RAD54L2: variants seen among roughly 807,000 people sequenced by gnomAD.
RAD54L2 encodes RAD54 like 2.
In RAD54L2, 27 loss-of-function variants were observed where a neutral mutation model predicts 138.4. The observed-to-expected ratio is 0.20, with a 90% confidence interval of 0.14 to 0.27. The LOEUF (loss-of-function observed/expected upper bound fraction) is 0.27, where lower values mean the gene tolerates loss of function less well. Ranked by LOEUF, RAD54L2 falls within the 10% of genes least tolerant of loss-of-function variation. The pLI, the probability that RAD54L2 is intolerant of heterozygous loss-of-function variation, is 1.00. For synonymous variants in RAD54L2, 644 were observed against 723.2 expected (o/e 0.89, Z 1.76); for missense variants, 1,396 against 1,890.2 (o/e 0.74, Z 4.85).
intron 2 of RAD54L2, among the ~76,000 whole-genome samples, chr3:51,551,509 C>T (rs1698837002): frequency 6.6e-6 from 1 of 151,604 alleles, no homozygotes; most frequent in Non-Finnish European, 1.5e-5. Context: ...GATCTCGGCT[C>T]ACTGCAACCT....
chr3:51,643,051 TTTGAGAC>T, intron 15 of RAD54L2, among the ~76,000 whole-genome samples: 1 of 150,936 alleles, frequency 6.6e-6, no homozygotes, highest in African/African-American at 2.4e-5. Flanking sequence ...TTTTTTTTTT[TTTGAGAC>T]GAAGTCTTAC....
intron 19 of RAD54L2, among the ~76,000 whole-genome samples, chr3:51,655,217 T>C (rs1244695002): frequency 6.6e-6 from 1 of 152,166 alleles, no homozygotes; most frequent in Non-Finnish European, 1.5e-5. Context: ...GTTTTTTTTT[T>C]TCCCCCTCCA....
At chr3:51,576,312 T>C (rs569716059) in intron 2 of RAD54L2, among the ~76,000 whole-genome samples, 1 of 152,320 alleles carries the variant, frequency 6.6e-6, no homozygotes, top group African/African-American at 2.4e-5. Context: ...AATTCTCTTT[T>C]TTTGTTGTGT....
intron 3 of RAD54L2, among the ~76,000 whole-genome samples, chr3:51,599,037 T>C (rs914290874): frequency 6.6e-6 from 1 of 152,200 alleles, no homozygotes; most frequent in Admixed American, 6.5e-5. Context: ...GGGGCAGTCT[T>C]GTGACTGAGC....
intron 3 of RAD54L2, among the ~76,000 whole-genome samples, chr3:51,597,097 G>A (rs901113864): frequency 2.0e-5 from 3 of 150,560 alleles, no homozygotes; most frequent in Admixed American, 6.7e-5. Context: ...CCCAGGAGGC[G>A]GAGGTTACAG....
chr3:51,562,155 C>T (rs1422636841), intron 2 of RAD54L2, among the ~76,000 whole-genome samples: 1 of 152,104 alleles, frequency 6.6e-6, no homozygotes, highest in African/African-American at 2.4e-5. Context: ...CGTGCCTCAG[C>T]CTCCCAAGTA....
Position 51,639,460 on chromosome 3 carries a change from G to A in RAD54L2, c.1902G>A (p.Lys634=). The A allele has an allele frequency of 6.2e-7, 1 of 1,613,990 alleles. No homozygotes were observed. The highest frequency in any genetic ancestry group is 8.5e-7 in the Non-Finnish European group (1 of 1,179,898). Residue 634 remains lysine, a synonymous_variant, in exon 13 of 23, where the codon AAG becomes AAA. Transcript: ENST00000684192. ...HPDVLYEALQ[K]ESLANEQDLD... is the part of the protein sequence containing the mutation. ...ATGTGCTGTATGAAGCCCTTCAGAAGGAGAGCTTGGCCAATGAGCAGGACC... is the reference window on the plus strand; with the variant it reads ...ATGTGCTGTATGAAGCCCTTCAGAAAGAGAGCTTGGCCAATGAGCAGGACC...
Position 51,637,152 on chromosome 3 carries a change from C to T in RAD54L2, c.1340-9C>T. On this transcript the variant is annotated splice_polypyrimidine_tract_variant and intron_variant, in intron 10 of 22. Coordinates refer to ENST00000684192, the MANE Select transcript of RAD54L2 (RefSeq NM_015106.4). The surrounding 1 kb of genome is among the most constrained non-coding windows in gnomAD (Gnocchi z 5.9). ...CACCCTCTGACTCCGGATCCTCTTC[C>T]CTCCCTAGAGTTTGAGAAGGCTTTA... The T allele has an allele frequency of 6.4e-7, 1 of 1,569,338 alleles. No individual in the cohort carries two copies. The highest frequency in any genetic ancestry group is 8.6e-7 in the Non-Finnish European group (1 of 1,156,612).
chr3:51,547,375 C>CAA (rs35028217), intron 2 of RAD54L2, among the ~76,000 whole-genome samples: 1 of 126,356 alleles, frequency 7.9e-6, no homozygotes, highest in African/African-American at 3.0e-5. Context: ...GACTCTGCCT[C>CAA]AAAAAAAAAA....
intron 2 of RAD54L2, among the ~76,000 whole-genome samples, chr3:51,577,731 AT>A (rs1699510821): frequency 6.6e-6 from 1 of 152,142 alleles, no homozygotes; most frequent in East Asian, 1.9e-4. Context: ...TTTTGAGCCT[AT>A]GTGTGTCTCT....
intron 3 of RAD54L2, among the ~76,000 whole-genome samples, chr3:51,607,635 G>T (rs1260713016): frequency 6.6e-6 from 1 of 152,186 alleles, no homozygotes; most frequent in Non-Finnish European, 1.5e-5. Context: ...CCTCCCAGAC[G>T]GGGTGGTGGA....
chr3:51,587,151 A>G (rs1166948056), intron 2 of RAD54L2, among the ~76,000 whole-genome samples: 2 of 151,032 alleles, frequency 1.3e-5, no homozygotes, highest in African/African-American at 4.9e-5. Context: ...CCCAGGCTGG[A>G]GTGCAGTGGC....
intron 2 of RAD54L2, among the ~76,000 whole-genome samples, chr3:51,556,082 G>A (rs1190039100): frequency 6.6e-6 from 1 of 151,868 alleles, no homozygotes; most frequent in East Asian, 1.9e-4. Context: ...CCTTTGTAAG[G>A]TCCTCCTATA....
chr3:51,642,653 C>G (rs1325732349), intron 15 of RAD54L2, among the ~76,000 whole-genome samples: 1 of 152,070 alleles, frequency 6.6e-6, no homozygotes, highest in Non-Finnish European at 1.5e-5. Context: ...TTTTGACAAC[C>G]AAAAATATCT....
intron 1 of RAD54L2, among the ~76,000 whole-genome samples, chr3:51,540,427 G>T (rs1698520949): frequency 6.6e-6 from 1 of 152,176 alleles, no homozygotes; most frequent in Non-Finnish European, 1.5e-5. Context: ...CTGTCTCCCT[G>T]TGACAATCTA....
At chr3:51,592,054 G>GTTTTTTTTTTTTT (rs71084151) in intron 3 of RAD54L2, among the ~76,000 whole-genome samples, 1 of 66,824 alleles carries the variant, frequency 1.5e-5, no homozygotes, top group African/African-American at 6.1e-5. Flanking sequence ...TGGTTTTGGT[G>GTTTTTTTTTTTTT]TTTTTTTTTT....
intron 3 of RAD54L2, among the ~76,000 whole-genome samples, chr3:51,623,677 A>G (rs1368021954): frequency 6.6e-6 from 1 of 152,178 alleles, no homozygotes; most frequent in African/African-American, 2.4e-5. Flanking sequence ...TCTCATATTT[A>G]GAATTAGGGG....
intron 2 of RAD54L2, among the ~76,000 whole-genome samples, chr3:51,554,950 C>G (rs1698928488): frequency 2.0e-5 from 3 of 152,114 alleles, no homozygotes; most frequent in African/African-American, 7.2e-5. Flanking sequence ...TCAAGCGATT[C>G]TCTTGCTGCA....
At chr3:51,650,444 C>T (rs1701401427) in intron 19 of RAD54L2, among the ~76,000 whole-genome samples, 1 of 152,202 alleles carries the variant, frequency 6.6e-6, no homozygotes, top group African/African-American at 2.4e-5. Context: ...ACCTAATAGA[C>T]ATCTACAGAA....
Sources: allele counts gnomAD v4.1 joint callset (sites outside exome capture counted in the v4.1 genomes callset), GRCh38; gene constraint gnomAD v4.1.1; non-coding constraint Gnocchi (gnomAD v3.1); transcripts MANE v1.5; gene names NCBI Gene and HGNC (gene_info 2026-07-23, HGNC 2026-07-21).